The following KCNAB1 variants were observed in gnomAD, a reference collection of about 807,000 sequenced individuals.
The protein encoded by KCNAB1 is voltage-gated potassium channel subunit beta-1.
In KCNAB1, 35 loss-of-function variants were observed where a neutral mutation model predicts 64.6. That is an observed-to-expected ratio of 0.54 (90% confidence interval 0.41 to 0.72). KCNAB1 has a LOEUF of 0.72. Ranked by LOEUF, KCNAB1 falls within the 30% of genes least tolerant of loss-of-function variation. KCNAB1 has a pLI of 0.00. For synonymous variants in KCNAB1, 177 were observed against 183.8 expected (o/e 0.96, Z 0.30); for missense variants, 401 against 512.9 (o/e 0.78, Z 2.11).
chr3:156,219,223 G>A (rs993294346), intron 1 of KCNAB1, among the ~76,000 whole-genome samples: 11 of 152,144 alleles, frequency 7.2e-5, no homozygotes, highest in South Asian at 6.2e-4. Flanking sequence ...TACAGGGTAT[G>A]AAATGAAACT....
At chr3:156,120,038 G>A (rs1279001001), upstream of KCNAB1, among the ~76,000 whole-genome samples, 1 of 152,110 alleles carries the variant, frequency 6.6e-6, no homozygotes, top group Non-Finnish European at 1.5e-5. Flanking sequence ...CCTGACATAC[G>A]TTATGTGGTT....
At chr3:156,304,896 A>G (rs1007575350) in intron 1 of KCNAB1, among the ~76,000 whole-genome samples, 1 of 152,214 alleles carries the variant, frequency 6.6e-6, no homozygotes, top group Non-Finnish European at 1.5e-5. Flanking sequence ...GATGATTTTT[A>G]TGGCAAGTAT....
intron 1 of KCNAB1, among the ~76,000 whole-genome samples, chr3:156,380,912 G>A (rs1712103902): frequency 6.6e-6 from 1 of 152,038 alleles, no homozygotes; most frequent in African/African-American, 2.4e-5. Flanking sequence ...TTTCAGAAGA[G>A]AGCCATAAAC....
chr3:156,358,347 C>T (rs1468067283), intron 1 of KCNAB1, among the ~76,000 whole-genome samples: 2 of 152,172 alleles, frequency 1.3e-5, no homozygotes, highest in Non-Finnish European at 2.9e-5. Flanking sequence ...GTCCTTCCAT[C>T]AGCTAACAGC....
chr3:156,261,923 C>A (rs191942582), intron 1 of KCNAB1, among the ~76,000 whole-genome samples: 232 of 152,024 alleles, frequency 1.5e-3, no homozygotes, highest in Non-Finnish European at 2.7e-3. Context: ...AATCAGTATG[C>A]AAAATTTGTA....
chr3:156,499,084 A>G (rs1716203454), intron 8 of KCNAB1, among the ~76,000 whole-genome samples: 1 of 152,246 alleles, frequency 6.6e-6, no homozygotes, highest in Non-Finnish European at 1.5e-5. Flanking sequence ...TTTGCTTATT[A>G]TGAGAGTGTT....
intron 1 of KCNAB1, among the ~76,000 whole-genome samples, chr3:156,144,406 T>C (rs1714918325): frequency 6.6e-6 from 1 of 152,266 alleles, no homozygotes; most frequent in Non-Finnish European, 1.5e-5. Flanking sequence ...TTTGCAATGA[T>C]ATGGCTCCTC....
At position 156,293,524 on chromosome 3, in the gene KCNAB1, C is replaced by T. The variant is rs1359236411; in HGVS notation, c.276-128092C>T. ...TTTGCAGAGTTACAGGAAAGTTTCT[C>T]ATTGCACAAACATCAAGCACTGTTA... On this transcript the variant is annotated intron_variant, in intron 1 of 13. Coordinates refer to ENST00000490337, the MANE Select transcript of KCNAB1 (RefSeq NM_172160.3). Among the ~76,000 whole-genome samples the T allele has an allele frequency of 5.9e-5, 9 of 152,186 alleles. No homozygotes were observed. In the East Asian group the frequency reaches 1.7e-3, roughly 29 times the overall value.
chr3:156,250,461 C>A (rs1377720639), intron 1 of KCNAB1, among the ~76,000 whole-genome samples: 1 of 152,196 alleles, frequency 6.6e-6, no homozygotes, highest in Non-Finnish European at 1.5e-5. Flanking sequence ...GCTCTCAGAA[C>A]CCGTAGTTCT....
At chr3:156,307,242 T>C (rs907362620) in intron 1 of KCNAB1, among the ~76,000 whole-genome samples, 1 of 152,182 alleles carries the variant, frequency 6.6e-6, no homozygotes, top group Non-Finnish European at 1.5e-5. Context: ...GACATATGCT[T>C]CATACTGCAA....
intron 2 of KCNAB1, among the ~76,000 whole-genome samples, chr3:156,440,355 T>C (rs1716905454): frequency 6.6e-6 from 1 of 152,238 alleles, no homozygotes; most frequent in Non-Finnish European, 1.5e-5. Flanking sequence ...GGTTATAACA[T>C]CATCACCTCT....
chr3:156,282,877 G>A (rs531368925), intron 1 of KCNAB1, among the ~76,000 whole-genome samples: 1 of 151,618 alleles, frequency 6.6e-6, no homozygotes, highest in East Asian at 1.9e-4. Context: ...CGTGAGATGG[G>A]TTTCCTGAAT....
At position 156,306,180 on chromosome 3, in the gene KCNAB1, A is replaced by G. The variant is rs530789308; in HGVS notation, c.276-115436A>G. 7.9e-5 allele frequency among the ~76,000 whole-genome samples: 12 copies of G among 152,350 alleles called. 1 individual carries two copies. The Middle Eastern group carries it at 0.017, about 216-fold the overall frequency. On this transcript the variant is annotated intron_variant, in intron 1 of 13. Coordinates refer to ENST00000490337, the MANE Select transcript of KCNAB1 (RefSeq NM_172160.3). ...GATGTAACTATTCCAAAACTCTTAG[A>G]AAAACATGGATTTTGAGTGTTGATC...
intron 1 of KCNAB1, among the ~76,000 whole-genome samples, chr3:156,195,760 T>C (rs983188410): frequency 8.5e-5 from 13 of 152,350 alleles, no homozygotes; most frequent in African/African-American, 3.1e-4. Context: ...TGATGATAGT[T>C]TCTTTTGCTG....
intron 2 of KCNAB1, among the ~76,000 whole-genome samples, chr3:156,434,311 A>G (rs1716437467): frequency 6.6e-6 from 1 of 152,208 alleles, no homozygotes; most frequent in Non-Finnish European, 1.5e-5. Flanking sequence ...GACAAGCTCA[A>G]CGACTTGAGT....
At chr3:156,392,126 A>T (rs1250555547) in intron 1 of KCNAB1, among the ~76,000 whole-genome samples, 1 of 151,164 alleles carries the variant, frequency 6.6e-6, no homozygotes, top group Non-Finnish European at 1.5e-5. Flanking sequence ...TCCTACCCCT[A>T]CTCCTGCCCC....
intron 1 of KCNAB1, among the ~76,000 whole-genome samples, chr3:156,418,901 C>G (rs1715275923): frequency 6.6e-6 from 1 of 152,212 alleles, no homozygotes; most frequent in Non-Finnish European, 1.5e-5. Flanking sequence ...GGACCTATCA[C>G]CACTATAGCA....
intron 1 of KCNAB1, among the ~76,000 whole-genome samples, chr3:156,223,401 A>G (rs1423006821): frequency 6.6e-6 from 1 of 152,212 alleles, no homozygotes; most frequent in African/African-American, 2.4e-5. Flanking sequence ...CAGAGAGCCG[A>G]TTAGTCTGTT....
At chr3:156,410,854 T>C (rs1035270516) in intron 1 of KCNAB1, among the ~76,000 whole-genome samples, 3 of 152,220 alleles carry the variant, frequency 2.0e-5, no homozygotes, top group African/African-American at 7.2e-5. Flanking sequence ...TTGGCAGATA[T>C]CTGGGGGACT....
Sources: allele counts gnomAD v4.1 joint callset (sites outside exome capture counted in the v4.1 genomes callset), GRCh38; gene constraint gnomAD v4.1.1; transcripts MANE v1.5; gene names NCBI Gene and HGNC (gene_info 2026-07-23, HGNC 2026-07-21).